Variants in ALK observed in about 807,000 individuals in gnomAD.
The protein encoded by ALK is ALK tyrosine kinase receptor.
A neutral mutation model predicts 163.1 loss-of-function variants in ALK; 74 were observed. The ratio of observed to expected loss-of-function variants is 0.45; its 90% CI spans 0.38 to 0.55. ALK has a LOEUF of 0.55. Ranked by LOEUF, ALK falls within the 20% of genes least tolerant of loss-of-function variation. The pLI is 0.00. For synonymous variants in ALK, 960 were observed against 843.2 expected, an observed-to-expected ratio of 1.14 and a Z score of -2.40; for missense variants, 2,063 against 2,105.3, an observed-to-expected ratio of 0.98 and a Z score of 0.39.
rs779147984 is a variant in ALK, at chr2:29,920,298, C to T, written c.362G>A (p.Arg121Gln). 2.6e-6 allele frequency: 4 copies of T among 1,565,656 alleles called. No homozygotes were observed. The highest frequency in any genetic ancestry group is 2.7e-5 in the African/African-American group (2 of 73,756). ...GCCCTTCAGCACCCTGGACAGCGTC[C>T]GGGCCTCTGCCGGGGCTGGTGAACC... ...TAGSPAPAEA[R>Q]TLSRVLKGGS... The change falls in exon 1 of 29, where the codon CGG (arginine) becomes CAG (glutamine). Residue 121 changes from arginine to glutamine, a missense_variant. This residue lies in a region of ALK where 987 missense variants were observed against 939.5 expected (regional missense o/e 1.05). Transcript: ENST00000389048.
intron 5 of ALK, among the ~76,000 whole-genome samples, chr2:29,345,749 C>T (rs1667930764): frequency 6.6e-6 from 1 of 152,072 alleles, no homozygotes; most frequent in African/African-American, 2.4e-5. Flanking sequence ...GTAATAAAAG[C>T]TCGTACCCCT....
intron 4 of ALK, among the ~76,000 whole-genome samples, chr2:29,497,096 C>T (rs1672047989): frequency 6.6e-6 from 1 of 152,022 alleles, no homozygotes; most frequent in Non-Finnish European, 1.5e-5. Flanking sequence ...CATGGTGAAA[C>T]CCCGTCTCTA....
chr2:29,674,036 CTT>C (rs774837035), intron 3 of ALK, among the ~76,000 whole-genome samples: 7,091 of 134,614 alleles, frequency 0.053, 167 homozygotes, highest in Admixed American at 0.089. Flanking sequence ...TATCCTGAGA[CTT>C]TGCTGAAGTT....
chr2:29,437,836 T>G (rs954409690), intron 4 of ALK, among the ~76,000 whole-genome samples: 1 of 152,246 alleles, frequency 6.6e-6, no homozygotes, highest in African/African-American at 2.4e-5. Context: ...AGATTATCTT[T>G]GGTGGTCTCT....
chr2:29,423,865 G>A (rs1223969498), intron 4 of ALK, among the ~76,000 whole-genome samples: 4 of 152,136 alleles, frequency 2.6e-5, no homozygotes, highest in African/African-American at 9.7e-5. Flanking sequence ...AAAGGAGGAG[G>A]CTATGCTCTC....
chr2:29,326,158 T>C (rs1667253657), intron 6 of ALK, among the ~76,000 whole-genome samples: 1 of 152,114 alleles, frequency 6.6e-6, no homozygotes, highest in African/African-American at 2.4e-5. Flanking sequence ...AAAAAGCCTC[T>C]GGGCCCCAGG....
intron 11 of ALK, among the ~76,000 whole-genome samples, chr2:29,259,924 GA>G (rs1224807221): frequency 6.6e-6 from 1 of 151,364 alleles, no homozygotes; most frequent in Non-Finnish European, 1.5e-5. Context: ...AAAATAAAAA[GA>G]AAAAAATACT....
intron 1 of ALK, among the ~76,000 whole-genome samples, chr2:29,888,246 G>GTTGTTT (rs1667034834): frequency 9.5e-5 from 3 of 31,592 alleles, no homozygotes; most frequent in Non-Finnish European, 1.5e-4. Flanking sequence ...CCAATAAATT[G>GTTGTTT]TTTTTTTTTT....
intron 9 of ALK, among the ~76,000 whole-genome samples, chr2:29,284,022 T>C (rs924463393): frequency 6.6e-5 from 10 of 152,206 alleles, no homozygotes; most frequent in African/African-American, 2.4e-4. Context: ...TCTCTTTTAG[T>C]TGTGCCCCCT....
intron 5 of ALK, among the ~76,000 whole-genome samples, chr2:29,338,978 C>G (rs1385084623): frequency 6.6e-6 from 1 of 152,220 alleles, no homozygotes; most frequent in East Asian, 1.9e-4. Flanking sequence ...TGTGGTGTCT[C>G]ACACCTGTAA....
intron 12 of ALK, among the ~76,000 whole-genome samples, chr2:29,240,152 C>CAG (rs3054022): frequency 0.5 from 71,844 of 143,150 alleles, 18,910 homozygotes; most frequent in South Asian, 0.65. Context: ...AGGGAAACAG[C>CAG]AGAGAGAGAG....
chr2:29,599,151 C>G (rs1440518358), intron 3 of ALK, among the ~76,000 whole-genome samples: 1 of 151,142 alleles, frequency 6.6e-6, no homozygotes, highest in Non-Finnish European at 1.5e-5. Flanking sequence ...ACAAAGCAAA[C>G]CTGACAATAA....
At chr2:29,328,194 C>T (rs1164801402) in intron 6 of ALK, among the ~76,000 whole-genome samples, 156 bp downstream of exon 6, 1 of 152,182 alleles carries the variant, frequency 6.6e-6, no homozygotes, top group Non-Finnish European at 1.5e-5. Flanking sequence ...CTTAGCTCTG[C>T]CTCTTGAAGA....
intron 1 of ALK, among the ~76,000 whole-genome samples, chr2:29,818,847 C>T (rs1006707131): frequency 2.0e-5 from 3 of 152,236 alleles, no homozygotes; most frequent in Non-Finnish European, 4.4e-5. Context: ...ATGTGAGAAT[C>T]ACCTGGGATG....
At chr2:29,853,523 C>A (rs936794977) in intron 1 of ALK, among the ~76,000 whole-genome samples, 1 of 152,190 alleles carries the variant, frequency 6.6e-6, no homozygotes, top group Non-Finnish European at 1.5e-5. Flanking sequence ...AGTTCCGCCA[C>A]CTTCATTGCT....
At chr2:29,809,000 C>G (rs1214932750) in intron 1 of ALK, among the ~76,000 whole-genome samples, 5 of 152,214 alleles carry the variant, frequency 3.3e-5, no homozygotes, top group Non-Finnish European at 5.9e-5. Flanking sequence ...ACTCACCTGC[C>G]ATTCCCAAAT....
intron 12 of ALK, among the ~76,000 whole-genome samples, chr2:29,248,701 G>C (rs887655917): frequency 2.0e-5 from 3 of 152,222 alleles, no homozygotes; most frequent in African/African-American, 7.2e-5. Context: ...GGGATTCTAT[G>C]AATGCACTGT....
intron 1 of ALK, among the ~76,000 whole-genome samples, chr2:29,760,844 T>C (rs1680680235): frequency 6.6e-6 from 1 of 152,176 alleles, no homozygotes; most frequent in African/African-American, 2.4e-5. Context: ...TCAACACACC[T>C]CAACATGCTC....
intron 3 of ALK, among the ~76,000 whole-genome samples, chr2:29,597,989 T>C (rs1228782901): frequency 1.3e-5 from 2 of 152,218 alleles, no homozygotes; most frequent in Non-Finnish European, 2.9e-5. Flanking sequence ...TCACCTGCTC[T>C]AGCTCCTCAC....
Sources: gnomAD v4.1 joint callset for allele counts (sites outside exome capture counted in the v4.1 genomes callset) on GRCh38, gnomAD v4.1.1 for gene constraint, gnomAD v4.1.1 regional missense constraint, MANE v1.5 for transcripts, NCBI Gene and HGNC (gene_info 2026-07-23, HGNC 2026-07-21) for gene names.